ZMYM4: variants seen among roughly 807,000 people sequenced by gnomAD.
ZMYM4 encodes zinc finger MYM-type containing 4, also known as zinc finger MYM-type protein 4.
A neutral mutation model predicts 183.2 loss-of-function variants in ZMYM4; 31 were observed. That is an observed-to-expected ratio of 0.17 (90% CI 0.13 to 0.23). ZMYM4 has a LOEUF of 0.23. Among genes scored for constraint, ZMYM4 ranks in the 10% least tolerant of loss-of-function variants. ZMYM4 has a pLI of 1.00. For missense variants in ZMYM4, 1,273 were observed against 1,840.3 expected, an observed-to-expected ratio of 0.69 and a Z score of 5.64; for synonymous variants, 592 against 631.2, an observed-to-expected ratio of 0.94 and a Z score of 0.93.
intron 1 of ZMYM4, among the ~76,000 whole-genome samples, chr1:35,283,700 T>G (rs1640314381): frequency 6.6e-6 from 1 of 152,084 alleles, no homozygotes; most frequent in African/African-American, 2.4e-5. Context: ...TGCTGAACAT[T>G]TTTTCATGTG....
intron 1 of ZMYM4, among the ~76,000 whole-genome samples, chr1:35,324,159 A>G (rs533967957): frequency 6.6e-6 from 1 of 152,050 alleles, no homozygotes; most frequent in South Asian, 2.1e-4. Flanking sequence ...CAGTTCAGGG[A>G]AATTTTTTTC....
At chr1:35,390,205 C>A (rs1020735421) in intron 15 of ZMYM4, 107 bp downstream of exon 15, 11 of 1,229,398 alleles carry the variant, frequency 8.9e-6, no homozygotes, top group African/African-American at 1.5e-5. Flanking sequence ...TTTCATGAAA[C>A]CTCAGTTTCC....
chr1:35,296,910 C>T (rs1313546444), intron 1 of ZMYM4, among the ~76,000 whole-genome samples: 9 of 133,290 alleles, frequency 6.8e-5, no homozygotes, highest in African/African-American at 2.0e-4. Flanking sequence ...AGTGCAGTGA[C>T]GCCATCTTGG....
chr1:35,314,903 T>C (rs1187437711), intron 1 of ZMYM4, among the ~76,000 whole-genome samples: 1 of 151,656 alleles, frequency 6.6e-6, no homozygotes, highest in Non-Finnish European at 1.5e-5. Context: ...TGCGCATCTA[T>C]AATCCCAGCT....
chr1:35,365,555 A>G (rs1355914359), intron 5 of ZMYM4, among the ~76,000 whole-genome samples: 1 of 152,192 alleles, frequency 6.6e-6, no homozygotes, highest in East Asian at 1.9e-4. Flanking sequence ...ACAGTTTTGG[A>G]AAGAAAATGT....
intron 15 of ZMYM4, among the ~76,000 whole-genome samples, chr1:35,390,516 A>T (rs553230350): frequency 3.9e-5 from 6 of 152,242 alleles, no homozygotes; most frequent in African/African-American, 1.4e-4. Flanking sequence ...GAATTTCACA[A>T]GGTAATGTCA....
chr1:35,358,913 T>C lies in ZMYM4; in HGVS notation c.86-12T>C. ...CACTATCATTTGTCTAAACAGTATT[T>C]TACTTTTTAAGGTGGTGGTATCATG... is the stretch of plus-strand genomic sequence containing the variant. On this transcript the variant is annotated splice_polypyrimidine_tract_variant and intron_variant, in intron 2 of 29. Coordinates refer to ENST00000314607, the MANE Select transcript of ZMYM4 (RefSeq NM_005095.3). 1 of 1,603,928 alleles carries C rather than the reference T, an allele frequency of 6.2e-7. No individual in the cohort carries two copies. Among genetic ancestry groups the C allele is most frequent in the Non-Finnish European group, 8.5e-7 (1 of 1,174,020 alleles).
At chr1:35,286,772 A>ATTTTTTTTTTTTTTTTT (rs71062872) in intron 1 of ZMYM4, among the ~76,000 whole-genome samples, 1 of 46,522 alleles carries the variant, frequency 2.1e-5, no homozygotes, top group Non-Finnish European at 4.4e-5. Context: ...TATTTAAATA[A>ATTTTTTTTTTTTTTTTT]TTTTTTTTTT....
chr1:35,400,170 T>A (rs370048088), intron 23 of ZMYM4: 3 of 138,360 alleles, frequency 2.2e-5, no homozygotes, highest in Admixed American at 7.4e-5. Context: ...TAATAATAAA[T>A]AAAAATAAAA....
chr1:35,346,492 A>G (rs1322441911), intron 2 of ZMYM4, among the ~76,000 whole-genome samples: 1 of 152,018 alleles, frequency 6.6e-6, no homozygotes, highest in African/African-American at 2.4e-5. Context: ...CTGTACTACA[A>G]ACACAAAAAT....
intron 7 of ZMYM4, among the ~76,000 whole-genome samples, chr1:35,380,569 G>A (rs1211802100): frequency 3.9e-5 from 6 of 152,048 alleles, no homozygotes; most frequent in African/African-American, 1.4e-4. Flanking sequence ...CTTGTGATCC[G>A]CCAGCCTCAG....
chr1:35,360,941 TA>T (rs1643922685), intron 3 of ZMYM4, among the ~76,000 whole-genome samples: 1 of 141,704 alleles, frequency 7.1e-6, no homozygotes, highest in Non-Finnish European at 1.5e-5. Context: ...AGAGCAAAAA[TA>T]ATTTTTTTTT....
intron 5 of ZMYM4, among the ~76,000 whole-genome samples, chr1:35,363,992 T>C (rs550529222): frequency 9.9e-5 from 15 of 152,204 alleles, no homozygotes; most frequent in East Asian, 1.9e-4. Flanking sequence ...CCAAATACAA[T>C]AGGGGTAGAG....
intron 1 of ZMYM4, among the ~76,000 whole-genome samples, chr1:35,285,182 T>C (rs542638629): frequency 2.8e-4 from 43 of 152,160 alleles, no homozygotes; most frequent in African/African-American, 9.2e-4. Context: ...CACGTGAAAT[T>C]TAGGATGGTT....
chr1:35,309,933 T>G (rs574012940), intron 1 of ZMYM4, among the ~76,000 whole-genome samples: 92 of 145,168 alleles, frequency 6.3e-4, no homozygotes, highest in African/African-American at 2.2e-3. Context: ...TTTTTTTTGT[T>G]TTTTTTTTTT....
rs564872710 is a variant in ZMYM4 at position 35,412,954 on chromosome 1, A to C, written c.3949-1018A>C. Reference sequence around the variant, plus strand: ...AATACTAAACCTTAAAAACACCAAAATACTTTTATCACGTAATTACATGCT... The same window carrying C: ...AATACTAAACCTTAAAAACACCAAACTACTTTTATCACGTAATTACATGCT... On this transcript the variant is annotated intron_variant, in intron 26 of 29. Transcript: ENST00000314607. Among the ~76,000 whole-genome samples, 10 of 152,222 alleles carry C rather than the reference A, an allele frequency of 6.6e-5. No homozygotes were observed. The East Asian group carries it at 1.9e-3, about 29-fold the overall frequency.
chr1:35,296,415 C>T (rs1186200124), intron 1 of ZMYM4, among the ~76,000 whole-genome samples: 4 of 152,216 alleles, frequency 2.6e-5, no homozygotes, highest in Non-Finnish European at 4.4e-5. Context: ...ACATGCACCT[C>T]GTATCAGTAA....
chr1:35,315,324 C>T (rs1282178462), intron 1 of ZMYM4, among the ~76,000 whole-genome samples: 3 of 152,024 alleles, frequency 2.0e-5, no homozygotes, highest in African/African-American at 7.2e-5. Flanking sequence ...TTATTTTATA[C>T]AATTTGAGTT....
rs771207034 is a variant in ZMYM4, at chr1:35,405,081, A to C, written c.3587A>C (p.Gln1196Pro). 1 of 1,614,078 alleles carries C rather than the reference A, an allele frequency of 6.2e-7. No homozygotes were observed. Among genetic ancestry groups the C allele is most frequent in the Non-Finnish European group, 8.5e-7 (1 of 1,179,978 alleles). The change falls in exon 24 of 30, where the codon CAA becomes CCA. Residue 1196 changes from glutamine to proline, a missense_variant. Physicochemically the swap from Gln to Pro is moderately conservative, Grantham distance 76. Around this residue, in one of 6 missense-constraint regions of ZMYM4, gnomAD observed 133 missense variants for 155.7 expected, o/e 0.85. Coordinates refer to ENST00000314607, the MANE Select transcript of ZMYM4 (RefSeq NM_005095.3). Reference protein sequence around the residue: ...EPRSLIQGAFQGCSVSGMTLK... With the variant: ...EPRSLIQGAFPGCSVSGMTLK... The stretch of plus-strand genomic sequence containing the variant: ...AGGAGTCTTATTCAAGGAGCCTTTC[A>C]AGGCTGCTCAGTGTCCGGGATGACA...
Sources: allele counts gnomAD v4.1 joint callset (sites outside exome capture counted in the v4.1 genomes callset), GRCh38; gene constraint gnomAD v4.1.1; regional missense constraint gnomAD v4.1.1; transcripts MANE v1.5; gene names NCBI Gene and HGNC (gene_info 2026-07-23, HGNC 2026-07-21).